APBA1: variants seen among roughly 807,000 people sequenced by gnomAD.
APBA1 encodes amyloid beta precursor protein binding family A member 1, also known as amyloid-beta A4 precursor protein-binding family A member 1.
In APBA1, 55 loss-of-function variants were observed where a neutral mutation model predicts 86.6. The ratio of observed to expected loss-of-function variants is 0.64; its 90% CI spans 0.51 to 0.80. The LOEUF (loss-of-function observed/expected upper bound fraction) is 0.80. Among genes scored for constraint, APBA1 ranks in the 30% least tolerant of loss-of-function variants. The pLI is 0.00. For synonymous variants in APBA1, 511 were observed against 493.9 expected, an observed-to-expected ratio of 1.03 and a Z score of -0.46; for missense variants, 1,090 against 1,183.0, an observed-to-expected ratio of 0.92 and a Z score of 1.15.
intron 2 of APBA1, among the ~76,000 whole-genome samples, chr9:69,494,691 C>T (rs1303125874): frequency 6.6e-6 from 1 of 152,064 alleles, no homozygotes; most frequent in Non-Finnish European, 1.5e-5. Context: ...GATGGTGTTC[C>T]CACACTCATT....
At chr9:69,534,048 A>G (rs950767809) in intron 1 of APBA1, among the ~76,000 whole-genome samples, 5 of 152,254 alleles carry the variant, frequency 3.3e-5, no homozygotes, top group African/African-American at 1.2e-4. Context: ...CAAGATGCTT[A>G]GAAAAATAAT....
intron 7 of APBA1, 138 bp from the exon 8 acceptor site, chr9:69,456,570 G>A: frequency 1.2e-6 from 1 of 839,300 alleles, no homozygotes; most frequent in East Asian, 2.6e-5. Flanking sequence ...CCATGCTGAG[G>A]GATCAACGGA....
chr9:69,586,542 T>A (rs1822023010), intron 1 of APBA1, among the ~76,000 whole-genome samples: 1 of 152,148 alleles, frequency 6.6e-6, no homozygotes, highest in Admixed American at 6.5e-5. Flanking sequence ...AAAGCCAACC[T>A]CTTTGTGGAA....
At chr9:69,463,007 C>T (rs1002144885) in intron 5 of APBA1, 3 of 152,084 alleles carry the variant, frequency 2.0e-5, no homozygotes, top group African/African-American at 7.2e-5. Context: ...TATGGGGGCT[C>T]TCTGGAAGGA....
chr9:69,440,042 G>A (rs1486386139), intron 11 of APBA1, among the ~76,000 whole-genome samples: 1 of 152,194 alleles, frequency 6.6e-6, no homozygotes, highest in Non-Finnish European at 1.5e-5. Context: ...GTTTACTGGA[G>A]GTCCACTCCA....
chr9:69,470,988 G>C (rs1387442738), intron 4 of APBA1, among the ~76,000 whole-genome samples: 2 of 152,186 alleles, frequency 1.3e-5, no homozygotes, highest in African/African-American at 2.4e-5. Flanking sequence ...CCGGTTTCCA[G>C]AGAGAAGTAT....
chr9:69,657,056 A>G, intron 1 of APBA1, among the ~76,000 whole-genome samples: 1 of 151,964 alleles, frequency 6.6e-6, no homozygotes, highest in Non-Finnish European at 1.5e-5. Context: ...CGTGTTAGCC[A>G]GGATGGTCTC....
chr9:69,440,636 G>A (rs1834802339), intron 11 of APBA1, among the ~76,000 whole-genome samples: 1 of 152,166 alleles, frequency 6.6e-6, no homozygotes, highest in Non-Finnish European at 1.5e-5. Flanking sequence ...TTGGAAAAGT[G>A]CAGTATTAGG....
At chr9:69,519,523 C>A (rs1836219443) in intron 1 of APBA1, among the ~76,000 whole-genome samples, 1 of 152,230 alleles carries the variant, frequency 6.6e-6, no homozygotes, top group Non-Finnish European at 1.5e-5. Flanking sequence ...TTCATTAAAT[C>A]TACATTGGGT....
intron 1 of APBA1, among the ~76,000 whole-genome samples, chr9:69,649,443 AC>A (rs35914319): frequency 1.3e-5 from 2 of 150,270 alleles, no homozygotes; most frequent in African/African-American, 4.9e-5. Context: ...AGAGTCACTT[AC>A]CCCCTAGAGT....
At chr9:69,614,818 A>G (rs192294448) in intron 1 of APBA1, among the ~76,000 whole-genome samples, 21 of 152,374 alleles carry the variant, frequency 1.4e-4, no homozygotes, top group Admixed American at 3.3e-4. Flanking sequence ...AAATTAAGTA[A>G]CTGATAAAGG....
intron 2 of APBA1, among the ~76,000 whole-genome samples, chr9:69,491,719 A>T (rs1835714390): frequency 6.6e-6 from 1 of 151,710 alleles, no homozygotes; most frequent in Non-Finnish European, 1.5e-5. Flanking sequence ...GTGCAATTCC[A>T]GGGAACACAG....
chr9:69,505,773 T>C (rs1447434676), intron 2 of APBA1, among the ~76,000 whole-genome samples: 1 of 151,940 alleles, frequency 6.6e-6, no homozygotes, highest in African/African-American at 2.4e-5. Flanking sequence ...ATCCCAGTAT[T>C]TTGGGAGGCT....
intron 11 of APBA1, 135 bp from the exon 12 acceptor site, chr9:69,432,811 C>T (rs550204276): frequency 1.1e-6 from 1 of 908,624 alleles, no homozygotes; most frequent in Non-Finnish European, 1.5e-6. Flanking sequence ...GGGCATTTAA[C>T]TCTCTTAGTG....
In APBA1 at chr9:69,428,337, G is replaced by A. The variant is rs1834525119; in HGVS notation, c.*2990C>T. Reference sequence around the variant, plus strand: ...CCGGCACCCCTGCCATGCACTCCTAGGAGCCTGCTCTGGCGAGGGAAGGTG... The same window carrying A: ...CCGGCACCCCTGCCATGCACTCCTAAGAGCCTGCTCTGGCGAGGGAAGGTG... On this transcript the variant is annotated 3_prime_UTR_variant, in exon 13 of 13. Transcript: ENST00000265381. 1.3e-5 allele frequency: 2 copies of A among 152,358 alleles called. No homozygotes were observed. The highest frequency in any genetic ancestry group is 4.1e-4 in the South Asian group (2 of 4,838). The allele number at this position is 152,358 out of a possible 1,614,324, so 9.4% of individuals were successfully genotyped here.
rs1033021193 is a variant in APBA1, at chr9:69,522,149, A to G, written c.-69-4870T>C. Among the ~76,000 whole-genome samples the G allele has an allele frequency of 8.6e-5, 13 of 151,842 alleles. No homozygotes were observed. The East Asian group carries it at 2.5e-3, about 29-fold the overall frequency. ...ATATATAAAATTTATCATGGCTTCTATCATTCTGAGTGGTAATTCTTTGTA... is the reference window on the plus strand; with the variant it reads ...ATATATAAAATTTATCATGGCTTCTGTCATTCTGAGTGGTAATTCTTTGTA... On this transcript the variant is annotated intron_variant, in intron 1 of 12. Coordinates refer to ENST00000265381, the MANE Select transcript of APBA1 (RefSeq NM_001163.4).
intron 1 of APBA1, among the ~76,000 whole-genome samples, chr9:69,629,757 G>A (rs1315961136): frequency 2.0e-5 from 3 of 152,170 alleles, no homozygotes; most frequent in Non-Finnish European, 4.4e-5. Flanking sequence ...CCCAGTAAAT[G>A]AGACTATCAG....
intron 9 of APBA1, among the ~76,000 whole-genome samples, chr9:69,450,643 C>T (rs532812607): frequency 6.6e-6 from 1 of 152,190 alleles, no homozygotes; most frequent in East Asian, 1.9e-4. Flanking sequence ...AATTGTGTCC[C>T]CCCAAAATTT....
chr9:69,516,686 G>C lies in APBA1; in HGVS notation c.525C>G (p.Phe175Leu), dbSNP rs1588335009. The change falls in exon 2 of 13, where the codon TTC becomes TTG. Residue 175 changes from phenylalanine (F) to leucine (L), a missense_variant. This residue lies in a region of APBA1 where 678 missense variants were observed against 647.1 expected (regional missense o/e 1.05). Transcript: ENST00000265381. This position sits in a 1 kb window ranked among gnomAD's most constrained non-coding sequence, Gnocchi z 7.3. ...AGTAGGGCTCGTCCTCACCGCGGTG[G>C]AAGAGCCGGTGCGTGTAGACGTAGC... Reference protein sequence around the residue: ...YSGYVYTHRLFHRGEDEPYSE... With the variant: ...YSGYVYTHRLLHRGEDEPYSE... 1.2e-6 allele frequency: 2 copies of C among 1,610,462 alleles called. No individual in the cohort carries two copies. Among genetic ancestry groups the C allele is most frequent in the East Asian group, 4.5e-5 (2 of 44,772 alleles).
Sources: allele counts gnomAD v4.1 joint callset (sites outside exome capture counted in the v4.1 genomes callset), GRCh38; gene constraint gnomAD v4.1.1; regional missense constraint gnomAD v4.1.1; non-coding constraint Gnocchi (gnomAD v3.1); transcripts MANE v1.5; gene names NCBI Gene and HGNC (gene_info 2026-07-23, HGNC 2026-07-21).